ITPR1: variants seen among roughly 807,000 people sequenced by gnomAD.
ITPR1 encodes inositol 1,4,5-trisphosphate-gated calcium channel ITPR1.
ITPR1 carries 96 observed loss-of-function variants against 318.4 expected under a neutral mutation model. That is an observed-to-expected ratio of 0.30 (90% CI 0.26 to 0.36). ITPR1 has a LOEUF of 0.36. ITPR1 is among the 10% of genes least tolerant of loss of function. The probability of loss-of-function intolerance (pLI) is 1.00; values close to 1 mark genes in which losing one functional copy is unlikely to be tolerated. For missense variants in ITPR1, 2,440 were observed against 3,460.2 expected, an observed-to-expected ratio of 0.71 and a Z score of 7.40; for synonymous variants, 1,312 against 1,289.9, an observed-to-expected ratio of 1.02 and a Z score of -0.37.
chr3:4,540,202 T>C (rs1248160466), intron 4 of ITPR1, among the ~76,000 whole-genome samples: 1 of 152,166 alleles, frequency 6.6e-6, no homozygotes, highest in Non-Finnish European at 1.5e-5. Flanking sequence ...ACAATTATTA[T>C]TACTTTCTGG....
chr3:4,813,357 A>G, intron 57 of ITPR1, 123 bp downstream of exon 57: 1 of 641,146 alleles, frequency 1.6e-6, no homozygotes, highest in Admixed American at 2.8e-5. Context: ...GCAAAGGGGA[A>G]AGGCTGAGAA....
chr3:4,831,863 T>C (rs2050540230), intron 60 of ITPR1, among the ~76,000 whole-genome samples: 1 of 152,212 alleles, frequency 6.6e-6, no homozygotes, highest in African/African-American at 2.4e-5. Context: ...CTGTGCCTAT[T>C]CCAGTAACTG....
chr3:4,546,303 T>A (rs952812661), intron 4 of ITPR1, among the ~76,000 whole-genome samples: 3 of 152,144 alleles, frequency 2.0e-5, no homozygotes, highest in Non-Finnish European at 2.9e-5. Flanking sequence ...TTAGAGGGTG[T>A]GAGCACTCGA....
rs769525926 is a variant in ITPR1, at chr3:4,710,774, A to G, written c.4991+301A>G. Reference sequence around the variant, plus strand: ...CGTGTGCTGTGGTACAGACATAAAAAAGCCATGATCCCTCAGCCCTCAGAA... The same window carrying G: ...CGTGTGCTGTGGTACAGACATAAAAGAGCCATGATCCCTCAGCCCTCAGAA... On this transcript the variant is annotated intron_variant, in intron 38 of 61. Coordinates refer to ENST00000649015, the MANE Select transcript of ITPR1 (RefSeq NM_001378452.1). The surrounding 1 kb of genome is among the most constrained non-coding windows in gnomAD (Gnocchi z 4.2). 3.9e-5 allele frequency among the ~76,000 whole-genome samples: 6 copies of G among 152,202 alleles called. 1 individual carries two copies. The South Asian group carries it at 1.2e-3, about 32-fold the overall frequency.
At chr3:4,499,946 G>A (rs980718163) in intron 2 of ITPR1, among the ~76,000 whole-genome samples, 3 of 152,148 alleles carry the variant, frequency 2.0e-5, no homozygotes, top group African/African-American at 7.2e-5. Context: ...GCTTAGGTGG[G>A]TGTGAGATGT....
At chr3:4,517,265 G>A (rs2082237603) in intron 3 of ITPR1, among the ~76,000 whole-genome samples, 1 of 152,174 alleles carries the variant, frequency 6.6e-6, no homozygotes, top group African/African-American at 2.4e-5. Flanking sequence ...GCAGACAGAG[G>A]CAGAATGGAG....
chr3:4,814,708 G>T, intron 58 of ITPR1, 146 bp downstream of exon 58: 1 of 736,252 alleles, frequency 1.4e-6, no homozygotes, highest in Non-Finnish European at 2.2e-6. Flanking sequence ...AGCTCATCAG[G>T]CTCCTTTCCT....
rs1037388396 is a variant in ITPR1, at chr3:4,547,333, G to A, written c.163+26239G>A. ...GTATTTATTAAAGCCACTTAGCAAAGGAATTAAAACTTTCTTCTAAACTTA... is the reference window on the plus strand; with the variant it reads ...GTATTTATTAAAGCCACTTAGCAAAAGAATTAAAACTTTCTTCTAAACTTA... On this transcript the variant is annotated intron_variant, in intron 4 of 61. Coordinates refer to ENST00000649015, the MANE Select transcript of ITPR1 (RefSeq NM_001378452.1). Among the ~76,000 whole-genome samples, 11 of 152,156 alleles carry A rather than the reference G, an allele frequency of 7.2e-5. No individual in the cohort carries two copies. In the East Asian group the frequency reaches 2.1e-3, roughly 29 times the overall value.
intron 44 of ITPR1, among the ~76,000 whole-genome samples, chr3:4,738,674 C>T (rs1055068946): frequency 5.3e-5 from 8 of 152,168 alleles, no homozygotes; most frequent in African/African-American, 1.2e-4. Context: ...CTGATGGTGA[C>T]GGCCAGGCAC....
intron 7 of ITPR1, among the ~76,000 whole-genome samples, chr3:4,643,837 A>C (rs2093393554): frequency 6.6e-6 from 1 of 151,824 alleles, no homozygotes; most frequent in South Asian, 2.1e-4. Context: ...ACTTACTTAT[A>C]TAGGTACCTT....
intron 6 of ITPR1, 53 bp downstream of exon 6, chr3:4,639,523 G>A: frequency 1.5e-6 from 2 of 1,333,646 alleles, no homozygotes; most frequent in South Asian, 1.3e-5. Context: ...AAAGAATGCA[G>A]CTGAGGAAAC....
chr3:4,711,125 C>T (rs2041326471), intron 38 of ITPR1, among the ~76,000 whole-genome samples: 1 of 146,260 alleles, frequency 6.8e-6, no homozygotes, highest in Non-Finnish European at 1.5e-5. Context: ...GCAGGGGAAT[C>T]ACTTGAACCC....
rs184940524 is a variant in ITPR1 at position 4,550,317 on chromosome 3, C to T, written c.163+29223C>T. Reference sequence around the variant, plus strand: ...GAAACACTGTAGGCACAGGTGACAGCAAATGGGCATTGACCAGTCCGCTGC... The same window carrying T: ...GAAACACTGTAGGCACAGGTGACAGTAAATGGGCATTGACCAGTCCGCTGC... On this transcript the variant is annotated intron_variant, in intron 4 of 61. Coordinates refer to ENST00000649015, the MANE Select transcript of ITPR1 (RefSeq NM_001378452.1). 2.4e-4 allele frequency among the ~76,000 whole-genome samples: 36 copies of T among 152,316 alleles called. 1 individual carries two copies. The East Asian group carries it at 4.4e-3, about 19-fold the overall frequency.
At position 4,609,932 on chromosome 3, in the gene ITPR1, A is replaced by G. The variant is rs117608854; in HGVS notation, c.164-17831A>G. 7.2e-5 allele frequency among the ~76,000 whole-genome samples: 11 copies of G among 152,230 alleles called. No individual in the cohort carries two copies. In the East Asian group the frequency reaches 1.7e-3, roughly 24 times the overall value. ...CTCTGAGAGCAGGACACGTGAGGAA[A>G]AGGCACTGTTGCGGACTAAGGGATG... On this transcript the variant is annotated intron_variant, in intron 4 of 61. Coordinates refer to ENST00000649015, the MANE Select transcript of ITPR1 (RefSeq NM_001378452.1).
At chr3:4,597,064 G>T (rs976049416) in intron 4 of ITPR1, among the ~76,000 whole-genome samples, 1 of 152,196 alleles carries the variant, frequency 6.6e-6, no homozygotes, top group African/African-American at 2.4e-5. Context: ...CTGTCTGAAG[G>T]GGTCTTCTTA....
intron 10 of ITPR1, among the ~76,000 whole-genome samples, chr3:4,648,818 A>T (rs2093526688): frequency 6.6e-6 from 1 of 152,224 alleles, no homozygotes; most frequent in African/African-American, 2.4e-5. Context: ...TCCGAAAAGA[A>T]AAGTTGTTTT....
At chr3:4,784,217 T>C (rs2047019126) in intron 51 of ITPR1, among the ~76,000 whole-genome samples, 1 of 151,966 alleles carries the variant, frequency 6.6e-6, no homozygotes, top group African/African-American at 2.4e-5. Flanking sequence ...ATCGTGGTGG[T>C]CACAGAGGCC....
Position 4,775,250 on chromosome 3 carries a change from C to T in ITPR1, c.5988C>T (p.Leu1996=), listed in dbSNP as rs772951434. The change falls in exon 47 of 62, where the codon CTC becomes CTT. Residue 1996 remains leucine (L), a synonymous_variant. Coordinates refer to ENST00000649015, the MANE Select transcript of ITPR1 (RefSeq NM_001378452.1). ...ENHNRDLQNF[L]RCQNNKTNYN... is the part of the protein sequence containing the mutation. Reference sequence around the variant, plus strand: ...GGACTACCCAATTGCAGAACTTCCTCCGTTGCCAAAATAACAAGACCAACT... The same window carrying T: ...GGACTACCCAATTGCAGAACTTCCTTCGTTGCCAAAATAACAAGACCAACT... 6.2e-7 allele frequency: 1 copy of T among 1,613,816 alleles called. No individual in the cohort carries two copies.
intron 52 of ITPR1, among the ~76,000 whole-genome samples, chr3:4,789,219 G>A (rs1559899474): frequency 6.6e-6 from 1 of 152,186 alleles, no homozygotes; most frequent in Non-Finnish European, 1.5e-5. Flanking sequence ...CCATCCCTCA[G>A]CCAGCTCCAT....
Sources: allele counts gnomAD v4.1 joint callset (sites outside exome capture counted in the v4.1 genomes callset), GRCh38; gene constraint gnomAD v4.1.1; non-coding constraint Gnocchi (gnomAD v3.1); transcripts MANE v1.5; gene names NCBI Gene and HGNC (gene_info 2026-07-23, HGNC 2026-07-21).